Variants in GRID1 observed in about 807,000 individuals in gnomAD.
The protein encoded by GRID1 is glutamate ionotropic receptor delta type subunit 1, also known as glutamate receptor ionotropic, delta-1.
In GRID1, 28 loss-of-function variants were observed where a neutral mutation model predicts 98.0. The observed-to-expected ratio is 0.29, with a 90% confidence interval of 0.21 to 0.39. The LOEUF (loss-of-function observed/expected upper bound fraction) is 0.39. Ranked by LOEUF, GRID1 falls within the 10% of genes least tolerant of loss-of-function variation. The probability of loss-of-function intolerance (pLI) is 1.00; values close to 1 mark genes in which losing one functional copy is unlikely to be tolerated. For missense variants in GRID1, 1,111 were observed against 1,340.5 expected (o/e 0.83, Z 2.67); for synonymous variants, 553 against 538.5 (o/e 1.03, Z -0.37).
intron 12 of GRID1, among the ~76,000 whole-genome samples, chr10:85,690,337 C>T (rs1341217651): frequency 6.6e-6 from 1 of 152,176 alleles, no homozygotes; most frequent in Non-Finnish European, 1.5e-5. Context: ...AGCCTGATTA[C>T]TGTTGAATAC....
intron 4 of GRID1, among the ~76,000 whole-genome samples, chr10:86,006,993 C>T (rs971450490): frequency 6.6e-6 from 1 of 151,982 alleles, no homozygotes; most frequent in African/African-American, 2.4e-5. Context: ...CAATCCCCGT[C>T]GTCCTTGGGC....
At chr10:85,731,374 T>C (rs1290490414) in intron 8 of GRID1, among the ~76,000 whole-genome samples, 1 of 151,358 alleles carries the variant, frequency 6.6e-6, no homozygotes, top group Non-Finnish European at 1.5e-5. Context: ...TTTGGGGGCA[T>C]TGAGATAAAG....
At chr10:86,105,729 T>C (rs1844374900) in intron 4 of GRID1, among the ~76,000 whole-genome samples, 1 of 152,142 alleles carries the variant, frequency 6.6e-6, no homozygotes, top group Admixed American at 6.5e-5. Flanking sequence ...AAGGTTGGAA[T>C]CTAGGGGAGA....
rs117184816 is a variant in GRID1, at chr10:86,158,369, G to A, written c.521-19345C>T. On this transcript the variant is annotated intron_variant, in intron 3 of 15. Coordinates refer to ENST00000327946, the MANE Select transcript of GRID1 (RefSeq NM_017551.3). ...TTAAAGGCCAGGTATTTGTGGAGGTGCCCAGTGAATTGCAGCTACGATGAC... is the reference window on the plus strand; with the variant it reads ...TTAAAGGCCAGGTATTTGTGGAGGTACCCAGTGAATTGCAGCTACGATGAC... Among the ~76,000 whole-genome samples the A allele has an allele frequency of 1.7e-3, 260 of 152,324 alleles. 4 individuals carry two copies. In the East Asian group the frequency reaches 0.047, roughly 28 times the overall value.
chr10:86,255,967 G>T (rs1846911553), intron 2 of GRID1, among the ~76,000 whole-genome samples: 1 of 152,176 alleles, frequency 6.6e-6, no homozygotes, highest in South Asian at 2.1e-4. Flanking sequence ...GGTAACCAGG[G>T]CTCCTGGAGA....
intron 4 of GRID1, 30 bp downstream of exon 4, chr10:86,138,786 AGGC>A (rs1476505842): frequency 6.4e-7 from 1 of 1,557,556 alleles, no homozygotes; most frequent in Admixed American, 1.7e-5. Context: ...CCTGGGCACC[AGGC>A]CCCTGAGGCC....
rs565896043 is a variant in GRID1 at position 86,365,576 on chromosome 10, G to A, written c.79+738C>T. On this transcript the variant is annotated intron_variant, in intron 1 of 15. Transcript: ENST00000327946. This position sits in a 1 kb window ranked among gnomAD's most constrained non-coding sequence, Gnocchi z 4.8. ...CCCCGCTGCCCACGCTTCTTCCCTC[G>A]GCTCCCACCACCCAGACCGTCTGGG... 1.9e-4 allele frequency among the ~76,000 whole-genome samples: 29 copies of A among 148,934 alleles called. No homozygotes were observed. The East Asian group carries it at 3.8e-3, about 19-fold the overall frequency.
At chr10:85,889,842 T>C (rs1841169802) in intron 5 of GRID1, among the ~76,000 whole-genome samples, 1 of 152,200 alleles carries the variant, frequency 6.6e-6, no homozygotes, top group Non-Finnish European at 1.5e-5. Flanking sequence ...CATCAATACT[T>C]TTTATCTTTT....
intron 5 of GRID1, among the ~76,000 whole-genome samples, chr10:85,898,912 T>C (rs1032365310): frequency 6.6e-6 from 1 of 152,210 alleles, no homozygotes; most frequent in Non-Finnish European, 1.5e-5. Context: ...TTCTCAAGTA[T>C]TATGGACTGC....
rs79198450 is a variant in GRID1 at position 86,122,407 on chromosome 10, C to T, written c.726+16412G>A. Among the ~76,000 whole-genome samples, 772 of 152,336 alleles carry T rather than the reference C, an allele frequency of 5.1e-3. 20 individuals are homozygous for T. In the East Asian group the frequency reaches 0.077, roughly 15 times the overall value. The stretch of plus-strand genomic sequence containing the variant: ...ACATTCACTTAGAGCAATTAATGAG[C>T]CAGGGATGTGCTTGCTTTGCATTTC... On this transcript the variant is annotated intron_variant, in intron 4 of 15. Coordinates refer to ENST00000327946, the MANE Select transcript of GRID1 (RefSeq NM_017551.3).
chr10:85,882,770 A>C (rs1004511399), intron 5 of GRID1, among the ~76,000 whole-genome samples: 34 of 151,766 alleles, frequency 2.2e-4, no homozygotes, highest in African/African-American at 8.0e-4. Context: ...CTTAAAGTGT[A>C]ATAATAATAA....
chr10:85,870,596 G>A (rs1057373656), intron 5 of GRID1, among the ~76,000 whole-genome samples: 11 of 152,198 alleles, frequency 7.2e-5, no homozygotes, highest in African/African-American at 1.7e-4. Flanking sequence ...CCAAAGTGCC[G>A]CTGGTAGGCA....
chr10:86,017,473 A>G (rs1299354251), intron 4 of GRID1, among the ~76,000 whole-genome samples: 1 of 152,238 alleles, frequency 6.6e-6, no homozygotes, highest in Non-Finnish European at 1.5e-5. Context: ...ATGCGGAGAC[A>G]GAACTACGCA....
intron 6 of GRID1, among the ~76,000 whole-genome samples, chr10:85,858,631 GT>G (rs1243369562): frequency 6.6e-6 from 1 of 152,136 alleles, no homozygotes; most frequent in East Asian, 1.9e-4. Context: ...TTGGTTTGTT[GT>G]TTTTTTCTTT....
intron 4 of GRID1, among the ~76,000 whole-genome samples, chr10:85,986,954 C>T (rs1030595450): frequency 6.6e-6 from 1 of 152,166 alleles, no homozygotes; most frequent in Non-Finnish European, 1.5e-5. Context: ...CACTACAGCT[C>T]CCAGCCTCAG....
At chr10:85,705,027 A>G (rs1841499205) in intron 12 of GRID1, among the ~76,000 whole-genome samples, 1 of 152,252 alleles carries the variant, frequency 6.6e-6, no homozygotes, top group Admixed American at 6.5e-5. Context: ...GGAAAGATCT[A>G]AAATTGACAA....
At chr10:85,941,152 TC>T (rs1053823814) in intron 4 of GRID1, among the ~76,000 whole-genome samples, 3 of 152,214 alleles carry the variant, frequency 2.0e-5, no homozygotes, top group African/African-American at 7.2e-5. Flanking sequence ...TAGGTTCAAA[TC>T]CTGGCTGCAC....
intron 4 of GRID1, among the ~76,000 whole-genome samples, chr10:86,035,378 CA>C (rs1363803345): frequency 6.6e-6 from 1 of 151,982 alleles, no homozygotes; most frequent in African/African-American, 2.4e-5. Flanking sequence ...AATATGTTGC[CA>C]AAAAAGGGTG....
chr10:85,624,603 T>G (rs1479021865), intron 13 of GRID1, among the ~76,000 whole-genome samples: 1 of 152,234 alleles, frequency 6.6e-6, no homozygotes, highest in Non-Finnish European at 1.5e-5. Flanking sequence ...GTCTGAAAAC[T>G]AATATGTGTA....
Sources: allele counts gnomAD v4.1 joint callset (sites outside exome capture counted in the v4.1 genomes callset), GRCh38; gene constraint gnomAD v4.1.1; non-coding constraint Gnocchi (gnomAD v3.1); transcripts MANE v1.5; gene names NCBI Gene and HGNC (gene_info 2026-07-23, HGNC 2026-07-21).